KIF26A: variants seen among roughly 807,000 people sequenced by gnomAD.
The protein encoded by KIF26A is kinesin family member 26A.
A neutral mutation model predicts 126.0 loss-of-function variants in KIF26A; 74 were observed. The ratio of observed to expected loss-of-function variants is 0.59; its 90% CI spans 0.49 to 0.71. The LOEUF is 0.71. KIF26A is among the 30% of genes least tolerant of loss of function. The pLI, the probability that KIF26A is intolerant of heterozygous loss-of-function variation, is 0.00. For missense variants in KIF26A, 2,984 were observed against 2,763.3 expected (o/e 1.08, Z -1.79); for synonymous variants, 1,445 against 1,232.7 (o/e 1.17, Z -3.61).
At position 104,139,099 on chromosome 14, in the gene KIF26A, A is replaced by C; in HGVS notation, c.99A>C (p.Arg33=). 1 of 1,466,706 alleles carries C rather than the reference A, an allele frequency of 6.8e-7. No homozygotes were observed. The highest frequency in any genetic ancestry group is 9.0e-7 in the Non-Finnish European group (1 of 1,111,698). 90.9% of individuals were successfully genotyped at this position (1,466,706 alleles called of 1,614,324 possible). A position where few individuals can be genotyped will look rare whatever the true frequency, so the allele number is the denominator to read the frequency against. Residue 33 remains arginine (R), a synonymous_variant, in exon 2 of 15, where the codon CGA becomes CGC. Transcript: ENST00000423312. The part of the protein sequence containing the change: ...EPPPLLEVSP[R]KRLPAGPDQD... ...CGCCGCTGCTGGAGGTGTCCCCCCGAAAGAGGCTACCCGCCGGGCCCGACC... is the reference window on the plus strand; with the variant it reads ...CGCCGCTGCTGGAGGTGTCCCCCCGCAAGAGGCTACCCGCCGGGCCCGACC...
intron 2 of KIF26A, among the ~76,000 whole-genome samples, chr14:104,144,025 A>AAGCCTGGGTGGGCCC (rs2037660043): frequency 2.0e-5 from 3 of 152,196 alleles, no homozygotes; most frequent in South Asian, 4.2e-4. Flanking sequence ...GGGAGGGAGG[A>AAGCCTGGGTGGGCCC]AGCCTGGGTG....
chr14:104,173,295 C>G, intron 8 of KIF26A, 35 bp from the exon 9 acceptor site: 1 of 1,601,028 alleles, frequency 6.2e-7, no homozygotes, highest in Non-Finnish European at 8.5e-7. Context: ...GGCCCTGAGC[C>G]ACTGAAGACG....
intron 5 of KIF26A, among the ~76,000 whole-genome samples, chr14:104,168,156 C>T (rs2037924330): frequency 6.6e-6 from 1 of 152,164 alleles, no homozygotes; most frequent in African/African-American, 2.4e-5. Context: ...TCCTGGGCAG[C>T]CACACCTTGG....
At position 104,176,781 on chromosome 14, in the gene KIF26A, C is replaced by A; in HGVS notation, c.3993C>A (p.Ala1331=). Residue 1331 remains alanine (A), a synonymous_variant, in exon 12 of 15, where the codon GCC becomes GCA. Transcript: ENST00000423312. ...SWGDAPTEVV[A]CSGSLKASPT... ...GAGATGCTCCCACGGAGGTGGTGGC[C>A]TGCTCGGGGAGCCTGAAGGCCTCCC... 6.4e-7 allele frequency: 1 copy of A among 1,574,760 alleles called. No homozygotes were observed. The highest frequency in any genetic ancestry group is 2.3e-5 in the East Asian group (1 of 42,644).
In KIF26A at chr14:104,171,859, G is replaced by T. The variant is rs761561312; in HGVS notation, c.1250G>T (p.Gly417Val). ...DPAAGPPGSAGPRRAATAAVP... is the reference protein window; with the variant it reads ...DPAAGPPGSAVPRRAATAAVP... ...GCCGCCGGTCCCCCAGGCAGCGCAG[G>T]CCCCCGGCGAGCCGCCACTGCTGCA... The change falls in exon 6 of 15, where the codon GGC becomes GTC. Residue 417 changes from glycine to valine, a missense_variant. Gly to Val is a moderately radical substitution (Grantham distance 109). Transcript: ENST00000423312. The T allele has an allele frequency of 9.7e-6, 15 of 1,553,828 alleles. No homozygotes were observed. Among genetic ancestry groups the T allele is most frequent in the Non-Finnish European group, 1.3e-5 (15 of 1,150,082 alleles).
In KIF26A at chr14:104,176,421, C is replaced by A. The variant is rs773813141; in HGVS notation, c.3633C>A (p.Pro1211=). The change falls in exon 12 of 15, where the codon CCC becomes CCA. Residue 1211 remains proline (P), a synonymous_variant. Transcript: ENST00000423312. ...CCCAGACCATCCACTCCAGCCTCCC[C>A]CGGAAACCGAGGACTGCCTCTGCCA... ...SAAQTIHSSL[P]RKPRTASATT... is the part of the protein sequence containing the mutation. 3.8e-6 allele frequency: 6 copies of A among 1,594,676 alleles called. No individual in the cohort carries two copies. In the African/African-American group the frequency reaches 6.7e-5, roughly 18 times the overall value.
rs1455659822 is a variant in KIF26A, at chr14:104,173,106, G to A, written c.1550G>A (p.Arg517Gln). The A allele has an allele frequency of 5.0e-6, 8 of 1,606,556 alleles. No homozygotes were observed. Among genetic ancestry groups the A allele is most frequent in the African/African-American group, 4.0e-5 (3 of 74,796 alleles). ...AGGACGGGCACCCGCTTCTCCGTCC[G>A]GGTCTCAGCCGTGGAGGTGTGCGGG... ...RERTGTRFSV[R>Q]VSAVEVCGRD... Residue 517 changes from arginine (R) to glutamine (Q), a missense_variant, in exon 8 of 15, where the codon CGG becomes CAG. Arg to Gln is a conservative substitution (Grantham distance 43, BLOSUM62 1). Transcript: ENST00000423312.
At chr14:104,178,822 G>A in intron 13 of KIF26A, 67 bp downstream of exon 13, 1 of 922,466 alleles carries the variant, frequency 1.1e-6, no homozygotes, top group Non-Finnish European at 1.6e-6. Flanking sequence ...GGCAGAGTGA[G>A]CCATTTGATG....
At chr14:104,154,438 G>A (rs1283810153) in intron 3 of KIF26A, among the ~76,000 whole-genome samples, 1 of 152,198 alleles carries the variant, frequency 6.6e-6, no homozygotes, top group East Asian at 1.9e-4. Flanking sequence ...GCCACAGGTG[G>A]GGCCTGGAAC....
Position 104,157,883 on chromosome 14 carries a change from C to A in KIF26A, c.864C>A (p.Pro288=), listed in dbSNP as rs757884583. The part of the protein sequence containing the change: ...GGVCTSALVT[P]TPGSVGGSTG... ...TCTGCACGTCAGCCCTGGTCACCCCCACCCCGGGCTCGGTGGGGGGCTCCA... is the reference window on the plus strand; with the variant it reads ...TCTGCACGTCAGCCCTGGTCACCCCAACCCCGGGCTCGGTGGGGGGCTCCA... The change falls in exon 4 of 15, where the codon CCC becomes CCA. Residue 288 remains proline (P), a synonymous_variant. Coordinates refer to ENST00000423312, the MANE Select transcript of KIF26A (RefSeq NM_015656.2). The A allele has an allele frequency of 5.7e-6, 9 of 1,583,300 alleles. No individual in the cohort carries two copies. The highest frequency in any genetic ancestry group is 1.7e-5 in the Admixed American group (1 of 57,348).
chr14:104,156,490 G>GA lies in KIF26A; in HGVS notation c.736-1265_736-1264insA, dbSNP rs2037778995. Among the ~76,000 whole-genome samples the GA allele has an allele frequency of 3.9e-5, 6 of 152,196 alleles. 1 individual carries two copies. In the South Asian group the frequency reaches 1.2e-3, roughly 31 times the overall value. On this transcript the variant is annotated intron_variant, in intron 3 of 14. Coordinates refer to ENST00000423312, the MANE Select transcript of KIF26A (RefSeq NM_015656.2). ...AGTGGCTGGTGCCTAGGGCCCAGGG[G>GA]GCACCCAGCTTCCATCCAGCCTAAG...
Position 104,177,530 on chromosome 14 carries a change from C to T in KIF26A, c.4742C>T (p.Ser1581Phe), listed in dbSNP as rs1566866816. The T allele has an allele frequency of 1.3e-6, 2 of 1,536,538 alleles. No homozygotes were observed. The highest frequency in any genetic ancestry group is 8.7e-7 in the Non-Finnish European group (1 of 1,146,908). ...AGTGGAGCCCCGGGCCGAGGTGGCT[C>T]CTCGTGGGGCTCGGCGGACTCAGAC... is the stretch of plus-strand genomic sequence containing the variant. ...SASGAPGRGG[S>F]SWGSADSDSG... The change falls in exon 12 of 15, where the codon TCC (serine) becomes TTC (phenylalanine). Residue 1581 changes from serine to phenylalanine, a missense_variant. Physicochemically the swap from Ser to Phe is radical, Grantham distance 155. Transcript: ENST00000423312.
At chr14:104,178,799 G>T in intron 13 of KIF26A, 44 bp downstream of exon 13, 1 of 1,158,982 alleles carries the variant, frequency 8.6e-7, no homozygotes, top group Non-Finnish European at 1.2e-6. Flanking sequence ...CTGGTGGGGA[G>T]CCTGCCGCGG....
chr14:104,164,437 G>A (rs1240202780), intron 4 of KIF26A, among the ~76,000 whole-genome samples: 2 of 152,148 alleles, frequency 1.3e-5, no homozygotes, highest in African/African-American at 4.8e-5. Context: ...GCGTCCTGGT[G>A]TCCCTGTGCT....
intron 2 of KIF26A, among the ~76,000 whole-genome samples, chr14:104,146,267 G>T (rs2037680031): frequency 6.6e-6 from 1 of 152,182 alleles, no homozygotes; most frequent in African/African-American, 2.4e-5. Flanking sequence ...GTGTTGGGAT[G>T]GTGCCAGGGG....
At chr14:104,158,188 G>T (rs902331021) in intron 4 of KIF26A, among the ~76,000 whole-genome samples, 1 of 152,250 alleles carries the variant, frequency 6.6e-6, no homozygotes, top group Admixed American at 6.5e-5. Context: ...GGGCTCTGTG[G>T]CCAGGACCCT....
intron 5 of KIF26A, among the ~76,000 whole-genome samples, chr14:104,170,511 C>A (rs1430499744): frequency 6.6e-6 from 1 of 152,224 alleles, no homozygotes; most frequent in Admixed American, 6.5e-5. Context: ...CTGTCACTTA[C>A]AATTAAATCC....
Position 104,176,720 on chromosome 14 carries a change from C to G in KIF26A, c.3932C>G (p.Thr1311Ser). ...ATCCCACCGCTGCGGAGGGGTGCCA[C>G]CACGCTGGGTGTGACAACGCCAGCT... Reference protein sequence around the residue: ...ARIPPLRRGATTLGVTTPAVS... With the variant: ...ARIPPLRRGASTLGVTTPAVS... Residue 1311 changes from threonine (T) to serine (S), a missense_variant, in exon 12 of 15, where the codon ACC (threonine) becomes AGC (serine). Physicochemically the swap from Thr to Ser is moderately conservative, Grantham distance 58 (BLOSUM62 1). Transcript: ENST00000423312. 6.3e-7 allele frequency: 1 copy of G among 1,585,188 alleles called. No individual in the cohort carries two copies. The highest frequency in any genetic ancestry group is 8.6e-7 in the Non-Finnish European group (1 of 1,166,596).
In KIF26A at chr14:104,173,486, C is replaced by G. The variant is rs200210920; in HGVS notation, c.1840C>G (p.Arg614Gly). The change falls in exon 9 of 15, where the codon CGC becomes GGC. Residue 614 changes from arginine (R) to glycine (G), a missense_variant. Physicochemically the swap from Arg to Gly is moderately radical, Grantham distance 125 (BLOSUM62 -2). Transcript: ENST00000423312. ...GTTCACGCTGCACGTCTACCAGTAC[C>G]GCATGGAGAAGTGCGGCCGGGGAGG... is the stretch of plus-strand genomic sequence containing the variant. ...MLFTLHVYQYRMEKCGRGGMS... is the reference protein window; with the variant it reads ...MLFTLHVYQYGMEKCGRGGMS... 422 of 1,573,890 alleles carry G rather than the reference C, an allele frequency of 2.7e-4. 1 individual carries two copies. Among genetic ancestry groups the G allele is most frequent in the Non-Finnish European group, 3.0e-4 (351 of 1,156,070 alleles).
Sources: allele counts gnomAD v4.1 joint callset (sites outside exome capture counted in the v4.1 genomes callset), GRCh38; gene constraint gnomAD v4.1.1; transcripts MANE v1.5; gene names NCBI Gene and HGNC (gene_info 2026-07-23, HGNC 2026-07-21).